The following CCDC3 variants were observed in gnomAD, a reference collection of about 807,000 sequenced individuals.
The protein encoded by CCDC3 is coiled-coil domain-containing protein 3.
In CCDC3, 24 loss-of-function variants were observed where a neutral mutation model predicts 21.4. The observed-to-expected ratio is 1.12, with a 90% CI of 0.81 to 1.58. The LOEUF (loss-of-function observed/expected upper bound fraction) is 1.58, where lower values mean the gene tolerates loss of function less well. Among genes scored for constraint, CCDC3 ranks in the 40% most tolerant of loss-of-function variants. The probability of loss-of-function intolerance (pLI) is 0.00; values close to 1 mark genes in which losing one functional copy is unlikely to be tolerated. For synonymous variants in CCDC3, 186 were observed against 166.0 expected, an observed-to-expected ratio of 1.12 and a Z score of -0.93; for missense variants, 425 against 360.9, an observed-to-expected ratio of 1.18 and a Z score of -1.44.
intron 5 of CCDC3, among the ~76,000 whole-genome samples, chr10:13,044,749 G>C (rs901831952): frequency 2.0e-5 from 3 of 152,060 alleles, no homozygotes; most frequent in African/African-American, 7.2e-5. Flanking sequence ...ATTATAGTTT[G>C]AAGTCTAATA....
intron 4 of CCDC3, chr10:13,058,606 C>T (rs1261446917): frequency 2.9e-5 from 18 of 625,322 alleles, no homozygotes; most frequent in Non-Finnish European, 4.3e-5. Flanking sequence ...TTTACCCTCT[C>T]GTCGTCTTCT....
At position 13,025,348 on chromosome 10, in the gene CCDC3, C is replaced by G. The variant is rs930227628; in HGVS notation, c.-2+24326G>C. Among the ~76,000 whole-genome samples the G allele has an allele frequency of 3.9e-4, 59 of 152,206 alleles. 1 individual carries two copies. Among genetic ancestry groups the G allele is most frequent in the African/African-American group, 1.4e-3 (58 of 41,444 alleles). On this transcript the variant is annotated intron_variant, in intron 5 of 6. Transcript: ENST00000378839. ...CCTTAAAGTGCAGGGACCTATCAAG[C>G]CTTCCCTTGCATCAGTCTTCCTAAA... is the stretch of plus-strand genomic sequence containing the variant.
intron 2 of CCDC3, among the ~76,000 whole-genome samples, chr10:12,990,255 G>A (rs1445240380): frequency 2.3e-5 from 3 of 131,682 alleles, no homozygotes; most frequent in African/African-American, 6.0e-5. Flanking sequence ...GCGAGACTCC[G>A]TCTCAACCAA....
upstream of CCDC3, among the ~76,000 whole-genome samples, chr10:13,004,457 G>A (rs943820926): frequency 6.6e-6 from 1 of 152,062 alleles, no homozygotes; most frequent in African/African-American, 2.4e-5. Flanking sequence ...GGTGGATAAG[G>A]TGCCCCATGA....
At chr10:12,971,117 A>AGCTGTCC (rs1835336672) in intron 2 of CCDC3, among the ~76,000 whole-genome samples, 1 of 152,206 alleles carries the variant, frequency 6.6e-6, no homozygotes, top group Non-Finnish European at 1.5e-5. Flanking sequence ...TCAGATCCCA[A>AGCTGTCC]GCTGTCCACT....
At chr10:12,982,130 A>G (rs1448641078) in intron 2 of CCDC3, among the ~76,000 whole-genome samples, 2 of 143,980 alleles carry the variant, frequency 1.4e-5, no homozygotes, top group East Asian at 4.1e-4. Context: ...TCAAAAAAAA[A>G]AAAAAAAAAA....
intron 2 of CCDC3, among the ~76,000 whole-genome samples, chr10:12,969,770 T>G (rs1000285340): frequency 6.7e-6 from 1 of 150,260 alleles, no homozygotes; most frequent in African/African-American, 2.4e-5. Flanking sequence ...ATATTCATTC[T>G]TAAAAAAAAA....
intron 3 of CCDC3, among the ~76,000 whole-genome samples, chr10:13,080,061 C>T (rs533596347): frequency 4.1e-4 from 62 of 152,326 alleles, no homozygotes; most frequent in African/African-American, 1.3e-3. Context: ...CCAGGGTTAA[C>T]GACTCAAACA....
Position 12,966,464 on chromosome 10 carries a change from G to A in CCDC3, c.549+31874C>T, listed in dbSNP as rs571852416. On this transcript the variant is annotated intron_variant, in intron 2 of 2. Transcript: ENST00000378825. ...TCACACCCCTCCGGGAACAGGCAGGGACTCTGATTCCTGTACTTGCAAACA... is the reference window on the plus strand; with the variant it reads ...TCACACCCCTCCGGGAACAGGCAGGAACTCTGATTCCTGTACTTGCAAACA... Among the ~76,000 whole-genome samples the A allele has an allele frequency of 8.1e-4, 123 of 152,196 alleles. 1 individual carries two copies. Among genetic ancestry groups the A allele is most frequent in the African/African-American group, 2.8e-3 (117 of 41,514 alleles).
chr10:12,936,623 G>A (rs73573908), intron 2 of CCDC3, among the ~76,000 whole-genome samples: 15,712 of 152,250 alleles, frequency 0.1, 868 homozygotes, highest in African/African-American at 0.15. Context: ...GATTCTGGTT[G>A]AACAGTTCCT....
intron 2 of CCDC3, among the ~76,000 whole-genome samples, chr10:12,953,174 C>G (rs1394718507): frequency 6.6e-6 from 1 of 152,182 alleles, no homozygotes; most frequent in Non-Finnish European, 1.5e-5. Context: ...GAGCAAGTCA[C>G]ATCTTACAAG....
At chr10:13,050,034 C>T (rs1836583159) in intron 4 of CCDC3, 1 of 152,178 alleles carries the variant, frequency 6.6e-6, no homozygotes, top group Non-Finnish European at 1.5e-5. Context: ...CATTTTGATT[C>T]CGCTGGGGTG....
intron 3 of CCDC3, among the ~76,000 whole-genome samples, chr10:13,076,741 T>C (rs1051069101): frequency 6.6e-6 from 1 of 152,240 alleles, no homozygotes; most frequent in Non-Finnish European, 1.5e-5. Flanking sequence ...GGGAATGTTA[T>C]TACTTTTCTA....
intron 5 of CCDC3, among the ~76,000 whole-genome samples, chr10:13,032,768 G>C (rs1836322593): frequency 6.6e-6 from 1 of 152,038 alleles, no homozygotes; most frequent in Non-Finnish European, 1.5e-5. Context: ...AAAATACCTA[G>C]GAATCCAACT....
At chr10:13,029,189 G>A (rs555656664) in intron 5 of CCDC3, among the ~76,000 whole-genome samples, 1 of 152,304 alleles carries the variant, frequency 6.6e-6, no homozygotes, top group East Asian at 1.9e-4. Context: ...CATAAGGAAA[G>A]CTGTTTTGAT....
chr10:13,070,935 C>A (rs73573841), intron 4 of CCDC3, among the ~76,000 whole-genome samples: 2,836 of 152,206 alleles, frequency 0.019, 93 homozygotes, highest in African/African-American at 0.064. Context: ...ACATTTTAGA[C>A]GAACCCTGCT....
chr10:12,943,327 A>G (rs962834364), intron 2 of CCDC3, among the ~76,000 whole-genome samples: 3 of 152,218 alleles, frequency 2.0e-5, no homozygotes, highest in Non-Finnish European at 4.4e-5. Context: ...GGAACCCCGA[A>G]GAAATGTGAA....
chr10:13,039,422 CAA>C (rs5783301), intron 5 of CCDC3, among the ~76,000 whole-genome samples: 3 of 137,622 alleles, frequency 2.2e-5, no homozygotes, highest in Admixed American at 7.2e-5. Flanking sequence ...GACTCTGTCT[CAA>C]AAAAAAAAAA....
intron 5 of CCDC3, among the ~76,000 whole-genome samples, chr10:13,028,506 A>C (rs769495832): frequency 6.6e-6 from 1 of 152,148 alleles, no homozygotes; most frequent in African/African-American, 2.4e-5. Flanking sequence ...TGAACAACTC[A>C]TTGGGATTTT....
Sources: gnomAD v4.1 joint callset for allele counts (sites outside exome capture counted in the v4.1 genomes callset) on GRCh38, gnomAD v4.1.1 for gene constraint, MANE v1.5 for transcripts, NCBI Gene and HGNC (gene_info 2026-07-23, HGNC 2026-07-21) for gene names.